The following MAPKAP1 variants were observed in gnomAD, a reference collection of about 807,000 sequenced individuals.
MAPKAP1 encodes the protein MAPK associated protein 1, also known as target of rapamycin complex 2 subunit MAPKAP1.
MAPKAP1 carries 20 observed loss-of-function variants against 65.7 expected under a neutral mutation model. That is an observed-to-expected ratio of 0.30 (90% CI 0.21 to 0.44). The LOEUF is 0.44. MAPKAP1 is among the 20% of genes least tolerant of loss of function. The pLI, the probability that MAPKAP1 is intolerant of heterozygous loss-of-function variation, is 1.00. For missense variants in MAPKAP1, 423 were observed against 648.0 expected (o/e 0.65, Z 3.77); for synonymous variants, 222 against 244.3 (o/e 0.91, Z 0.85).
intron 4 of MAPKAP1, among the ~76,000 whole-genome samples, chr9:125,612,224 T>C (rs1832621394): frequency 6.6e-6 from 1 of 152,188 alleles, no homozygotes; most frequent in African/African-American, 2.4e-5. Flanking sequence ...ATGCTCAACC[T>C]GTAACAGTCT....
At chr9:125,544,166 G>A (rs978244426) in intron 6 of MAPKAP1, among the ~76,000 whole-genome samples, 2 of 151,934 alleles carry the variant, frequency 1.3e-5, no homozygotes, top group Admixed American at 6.6e-5. Context: ...GCCTGCCACC[G>A]TGCCTGGCTA....
intron 9 of MAPKAP1, among the ~76,000 whole-genome samples, chr9:125,472,751 A>T (rs1853967487): frequency 6.6e-6 from 1 of 152,254 alleles, no homozygotes; most frequent in South Asian, 2.1e-4. Flanking sequence ...AAAAATCCTT[A>T]TAACACAATA....
At chr9:125,524,788 T>C (rs1311334385) in intron 7 of MAPKAP1, among the ~76,000 whole-genome samples, 1 of 152,244 alleles carries the variant, frequency 6.6e-6, no homozygotes, top group Admixed American at 6.5e-5. Context: ...CAATCAGCAT[T>C]TCCTCTCTGC....
rs146480033 is a variant in MAPKAP1, at chr9:125,519,652, T to TTATATATATATATATATA, written c.959-13253_959-13236dup. 2.1e-3 allele frequency among the ~76,000 whole-genome samples: 291 copies of TTATATATATATATATATA among 141,646 alleles called. 5 individuals carry two copies. The East Asian group carries it at 0.027, about 13-fold the overall frequency. 92.9% of individuals were successfully genotyped at this position (141,646 alleles called of 152,430 possible). ...TAATATATATACATATATATGTCTTTTATATATATATATATATATAATTTA... is the reference window on the plus strand; with the variant it reads ...TAATATATATACATATATATGTCTTTTATATATATATATATATATATATATATATATATATATAATTTA... On this transcript the variant is annotated intron_variant, in intron 7 of 11. Coordinates refer to ENST00000265960, the MANE Select transcript of MAPKAP1 (RefSeq NM_001006617.3).
chr9:125,519,972 G>A (rs1462368599), intron 7 of MAPKAP1, among the ~76,000 whole-genome samples: 3 of 152,098 alleles, frequency 2.0e-5, no homozygotes, highest in African/African-American at 4.8e-5. Flanking sequence ...GCTTAATAAA[G>A]TGTGTATCTA....
intron 4 of MAPKAP1, among the ~76,000 whole-genome samples, chr9:125,603,709 G>A (rs1300283325): frequency 6.6e-6 from 1 of 152,174 alleles, no homozygotes; most frequent in Admixed American, 6.5e-5. Flanking sequence ...TGGCTAATTT[G>A]TCTTTTCAAA....
chr9:125,654,501 G>T (rs1833978093), intron 4 of MAPKAP1, among the ~76,000 whole-genome samples: 1 of 152,130 alleles, frequency 6.6e-6, no homozygotes, highest in South Asian at 2.1e-4. Context: ...ATTTGCTAAA[G>T]AAATAATATC....
chr9:125,454,843 A>C (rs980223884), intron 10 of MAPKAP1, among the ~76,000 whole-genome samples: 2 of 152,198 alleles, frequency 1.3e-5, no homozygotes, highest in Admixed American at 6.5e-5. Flanking sequence ...TAAAAAAAGA[A>C]GACTTCATAC....
At chr9:125,462,281 G>A (rs1853527150) in intron 10 of MAPKAP1, among the ~76,000 whole-genome samples, 1 of 152,156 alleles carries the variant, frequency 6.6e-6, no homozygotes, top group Admixed American at 6.5e-5. Flanking sequence ...CTTTGTTGGG[G>A]GTGGGCTGGG....
At chr9:125,604,725 G>T (rs994683579) in intron 4 of MAPKAP1, among the ~76,000 whole-genome samples, 2 of 152,208 alleles carry the variant, frequency 1.3e-5, no homozygotes, top group Non-Finnish European at 2.9e-5. Context: ...AAGTGCAAGA[G>T]GGACTGTACG....
chr9:125,649,160 G>A (rs1239689934), intron 4 of MAPKAP1, among the ~76,000 whole-genome samples: 1 of 152,142 alleles, frequency 6.6e-6, no homozygotes, highest in Non-Finnish European at 1.5e-5. Flanking sequence ...AATGTAAAAT[G>A]ACACCATCCC....
At chr9:125,586,113 C>T (rs749586001) in intron 4 of MAPKAP1, among the ~76,000 whole-genome samples, 11 of 152,134 alleles carry the variant, frequency 7.2e-5, no homozygotes, top group Non-Finnish European at 1.0e-4. Context: ...ATGAGATGAG[C>T]TGCCTGGGAA....
At chr9:125,691,311 A>T (rs143687486) in intron 1 of MAPKAP1, among the ~76,000 whole-genome samples, 41 of 152,006 alleles carry the variant, frequency 2.7e-4, no homozygotes, top group African/African-American at 9.7e-4. Context: ...TCGGTGACTG[A>T]GTGAATGTGA....
rs867799930 is a variant in MAPKAP1, at chr9:125,663,910, G to C, written c.349+5908C>G. Reference sequence around the variant, plus strand: ...ACAAAACTAAAAAAATAAATAGCCTGGAAATTTAATTATCATCAGCTTTAT... The same window carrying C: ...ACAAAACTAAAAAAATAAATAGCCTCGAAATTTAATTATCATCAGCTTTAT... On this transcript the variant is annotated intron_variant, in intron 3 of 11. Coordinates refer to ENST00000265960, the MANE Select transcript of MAPKAP1 (RefSeq NM_001006617.3). Among the ~76,000 whole-genome samples, 13 of 152,176 alleles carry C rather than the reference G, an allele frequency of 8.5e-5. 1 individual carries two copies. In the South Asian group the frequency reaches 2.7e-3, roughly 32 times the overall value.
chr9:125,438,069 G>A lies in MAPKAP1; in HGVS notation c.*818C>T, dbSNP rs114798011. ...GAACATGCAGGTGGAACTGCCAGCT[G>A]AAACCTACACTTGCTACTTAAGAAA... On this transcript the variant is annotated 3_prime_UTR_variant, in exon 12 of 12. Transcript: ENST00000265960. 1,050 of 303,738 alleles carry A rather than the reference G, an allele frequency of 3.5e-3. 10 individuals are homozygous for A. Among genetic ancestry groups the A allele is most frequent in the African/African-American group, 0.02 (933 of 46,842 alleles). 18.8% of individuals were successfully genotyped at this position (303,738 alleles called of 1,614,324 possible). A position where few individuals can be genotyped will look rare whatever the true frequency, so the allele number is the denominator to read the frequency against.
At chr9:125,468,260 G>T in intron 9 of MAPKAP1, 151 bp from the exon 10 acceptor site, 1 of 726,050 alleles carries the variant, frequency 1.4e-6, no homozygotes, top group Non-Finnish European at 2.2e-6. Flanking sequence ...GGCTTCCTGA[G>T]ACAAACATAA....
chr9:125,463,231 G>A (rs1480514247), intron 10 of MAPKAP1, among the ~76,000 whole-genome samples: 1 of 152,212 alleles, frequency 6.6e-6, no homozygotes, highest in Non-Finnish European at 1.5e-5. Context: ...GGAAATCTGC[G>A]ACTGCAGGGT....
At chr9:125,699,025 T>C (rs749700949) in intron 1 of MAPKAP1, among the ~76,000 whole-genome samples, 15 of 152,282 alleles carry the variant, frequency 9.9e-5, no homozygotes, top group African/African-American at 2.4e-4. Flanking sequence ...CCATTAGAGG[T>C]TGGCATCCCT....
At chr9:125,677,633 T>C (rs1026687905) in intron 1 of MAPKAP1, among the ~76,000 whole-genome samples, 8 of 151,776 alleles carry the variant, frequency 5.3e-5, no homozygotes, top group Admixed American at 5.2e-4. Flanking sequence ...CAGGTGGAGG[T>C]TGCAGTGAGC....
Sources: allele counts gnomAD v4.1 joint callset (sites outside exome capture counted in the v4.1 genomes callset), GRCh38; gene constraint gnomAD v4.1.1; transcripts MANE v1.5; gene names NCBI Gene and HGNC (gene_info 2026-07-23, HGNC 2026-07-21).